ADRA1A: variants seen among roughly 807,000 people sequenced by gnomAD.
ADRA1A encodes the protein alpha-1A adrenergic receptor.
ADRA1A carries 31 observed loss-of-function variants against 29.6 expected under a neutral mutation model. The observed-to-expected ratio is 1.05, with a 90% CI of 0.79 to 1.41. The LOEUF is 1.41. Among genes scored for constraint, ADRA1A ranks in the 40% most tolerant of loss-of-function variants. The probability of loss-of-function intolerance (pLI) is 0.00; values close to 1 mark genes in which losing one functional copy is unlikely to be tolerated. For missense variants in ADRA1A, 619 were observed against 601.1 expected (o/e 1.03, Z -0.31); for synonymous variants, 311 against 254.3 (o/e 1.22, Z -2.12).
intron 2 of ADRA1A, among the ~76,000 whole-genome samples, chr8:26,849,846 C>T (rs1812481932): frequency 6.6e-6 from 1 of 151,954 alleles, no homozygotes; most frequent in Non-Finnish European, 1.5e-5. Flanking sequence ...ATTAGGCTCA[C>T]AAAACAAGTG....
chr8:26,822,833 G>T (rs1348234754), intron 2 of ADRA1A, among the ~76,000 whole-genome samples: 1 of 152,180 alleles, frequency 6.6e-6, no homozygotes. Flanking sequence ...AAGGTGAAGG[G>T]GAAGGAGGCA....
chr8:26,814,843 A>G lies in ADRA1A; in HGVS notation c.884-44177T>C, dbSNP rs187322017. ...AGTACTCAACATATTTCATTTTTAT[A>G]TAACATTAGTCCTTGTCATTTAAGA... On this transcript the variant is annotated intron_variant, in intron 2 of 2. Transcript: ENST00000380573. 2.6e-4 allele frequency among the ~76,000 whole-genome samples: 39 copies of G among 152,322 alleles called. No individual in the cohort carries two copies. In the East Asian group the frequency reaches 7.5e-3, roughly 29 times the overall value.
rs1192286891 is a variant in ADRA1A at position 26,866,368 on chromosome 8, C to A, written c.-687+568G>T. 6.6e-6 allele frequency among the ~76,000 whole-genome samples: 1 copy of A among 152,122 alleles called. No homozygotes were observed. The highest frequency in any genetic ancestry group is 1.5e-5 in the Non-Finnish European group (1 of 68,018). On this transcript the variant is annotated intron_variant, in intron 1 of 2. Coordinates refer to ENST00000380573, the MANE Select transcript of ADRA1A (RefSeq NM_000680.4). This position sits in a 1 kb window ranked among gnomAD's most constrained non-coding sequence, Gnocchi z 5.7. ...CAGCTGCCAGCCGTAGCGGGACTGG[C>A]GGGGGACGGGGTGGGGAGGACGTCC...
At chr8:26,850,025 C>CAAAAAAA (rs141672591) in intron 2 of ADRA1A, among the ~76,000 whole-genome samples, 6 of 121,582 alleles carry the variant, frequency 4.9e-5, no homozygotes, top group African/African-American at 1.9e-4. Context: ...GAGAGAAATG[C>CAAAAAAA]AAAAACAAAA....
downstream of ADRA1A, among the ~76,000 whole-genome samples, chr8:26,762,422 G>A (rs1805556552): frequency 6.6e-6 from 1 of 152,124 alleles, no homozygotes; most frequent in African/African-American, 2.4e-5. The surrounding 1 kb of genome is among the most constrained non-coding windows in gnomAD (Gnocchi z 4.0). Context: ...ACAGAATCAG[G>A]CTGACCTGGG....
intron 2 of ADRA1A, among the ~76,000 whole-genome samples, chr8:26,800,435 G>A (rs1201819368): frequency 6.6e-6 from 1 of 152,098 alleles, no homozygotes; most frequent in Non-Finnish European, 1.5e-5. Flanking sequence ...ATGGGGGAAA[G>A]TCTTTTCAAC....
intron 2 of ADRA1A, among the ~76,000 whole-genome samples, chr8:26,855,496 G>A (rs1332043893): frequency 1.3e-5 from 2 of 151,170 alleles, no homozygotes; most frequent in African/African-American, 4.9e-5. Context: ...AGAAATATAA[G>A]TGATGGATAA....
rs553241251 is a variant in ADRA1A at position 26,748,568 on chromosome 8, G to A, written c.*22C>T. On this transcript the variant is annotated 3_prime_UTR_variant, in exon 3 of 3. Coordinates refer to the ADRA1A transcript ENST00000380586. ...ATCCTGGCCAACATGGTGAAACCCCGTCTCTACTAAAAATACAAAAATTAG... is the reference window on the plus strand; with the variant it reads ...ATCCTGGCCAACATGGTGAAACCCCATCTCTACTAAAAATACAAAAATTAG... 14 of 395,442 alleles carry A rather than the reference G, an allele frequency of 3.5e-5. No homozygotes were observed. In the East Asian group the frequency reaches 5.2e-4, roughly 15 times the overall value. The allele number at this position is 395,442 out of a possible 1,614,324, so 24.5% of individuals were successfully genotyped here. A position where few individuals can be genotyped will look rare whatever the true frequency, so the allele number is the denominator to read the frequency against.
intron 2 of ADRA1A, chr8:26,854,425 G>GTGT (rs34107108): frequency 1.6e-5 from 2 of 126,896 alleles, no homozygotes; most frequent in Non-Finnish European, 3.3e-5. Context: ...AAGCGGGGCG[G>GTGT]GGGGGGGGAG....
chr8:26,811,686 C>T (rs1488899535), intron 2 of ADRA1A, among the ~76,000 whole-genome samples: 1 of 152,200 alleles, frequency 6.6e-6, no homozygotes, highest in Non-Finnish European at 1.5e-5. Context: ...TTGTAAAGTT[C>T]CAAATCTTCA....
At chr8:26,840,585 C>G (rs549511438) in intron 2 of ADRA1A, among the ~76,000 whole-genome samples, 2 of 149,886 alleles carry the variant, frequency 1.3e-5, no homozygotes, top group South Asian at 2.1e-4. Context: ...TGAACTTTAG[C>G]GTTCTTTTTT....
intron 2 of ADRA1A, among the ~76,000 whole-genome samples, chr8:26,824,091 G>A (rs1810374837): frequency 6.6e-6 from 1 of 152,106 alleles, no homozygotes; most frequent in Non-Finnish European, 1.5e-5. Context: ...GAGAAGAAAA[G>A]CAGAACAAAA....
At chr8:26,845,228 T>C (rs1386854700) in intron 2 of ADRA1A, among the ~76,000 whole-genome samples, 1 of 152,182 alleles carries the variant, frequency 6.6e-6, no homozygotes, top group Non-Finnish European at 1.5e-5. Context: ...TAATAACCCC[T>C]GCAACTCAAC....
rs150486537 is a variant in ADRA1A, at chr8:26,774,488, G to A, written c.884-3822C>T. On this transcript the variant is annotated intron_variant, in intron 2 of 2. Coordinates refer to ENST00000380573, the MANE Select transcript of ADRA1A (RefSeq NM_000680.4). ...GTTTGAGACCAGCCTGGGCAACATG[G>A]TGAAACCCCATCTTTACTAAAAATA... Among the ~76,000 whole-genome samples, 339 of 152,280 alleles carry A rather than the reference G, an allele frequency of 2.2e-3. 1 individual carries two copies. Among genetic ancestry groups the A allele is most frequent in the African/African-American group, 7.8e-3 (324 of 41,558 alleles).
Position 26,769,991 on chromosome 8 carries a change from A to C in ADRA1A, c.*158T>G. On this transcript the variant is annotated 3_prime_UTR_variant, in exon 3 of 3. Transcript: ENST00000380573. ...ACACCCTCCCTCTTCCCTGTGCCCTACCCGCTGCCTGATGAGTTGGGTCTA... is the reference window on the plus strand; with the variant it reads ...ACACCCTCCCTCTTCCCTGTGCCCTCCCCGCTGCCTGATGAGTTGGGTCTA... 6.9e-7 allele frequency: 1 copy of C among 1,438,920 alleles called. No homozygotes were observed. The highest frequency in any genetic ancestry group is 9.1e-7 in the Non-Finnish European group (1 of 1,100,964). The allele number at this position is 1,438,920 out of a possible 1,614,324, so 89.1% of individuals were successfully genotyped here. A position where few individuals can be genotyped will look rare whatever the true frequency, so the allele number is the denominator to read the frequency against.
downstream of ADRA1A, chr8:26,766,140 C>T: frequency 6.2e-7 from 1 of 1,606,662 alleles, no homozygotes; most frequent in Non-Finnish European, 8.5e-7. Flanking sequence ...TATCTACAAT[C>T]CATTCCCCTC....
chr8:26,777,772 G>C (rs61760533), intron 2 of ADRA1A, among the ~76,000 whole-genome samples: 129 of 152,232 alleles, frequency 8.5e-4, no homozygotes, highest in Non-Finnish European at 1.6e-3. Flanking sequence ...AGCATGGCAT[G>C]GGAGGGTACA....
chr8:26,790,721 T>C (rs1807752097), intron 2 of ADRA1A, among the ~76,000 whole-genome samples: 1 of 152,090 alleles, frequency 6.6e-6, no homozygotes, highest in Non-Finnish European at 1.5e-5. Context: ...GCCCCATAAA[T>C]ATAATATGTA....
At chr8:26,772,233 G>A (rs1806222522) in intron 2 of ADRA1A, 1 of 151,006 alleles carries the variant, frequency 6.6e-6, no homozygotes, top group East Asian at 2.0e-4. Flanking sequence ...ATACTGATAA[G>A]AGTGATGGAT....
Sources: allele counts gnomAD v4.1 joint callset (sites outside exome capture counted in the v4.1 genomes callset), GRCh38; gene constraint gnomAD v4.1.1; non-coding constraint Gnocchi (gnomAD v3.1); transcripts MANE v1.5; gene names NCBI Gene and HGNC (gene_info 2026-07-23, HGNC 2026-07-21).